Variants in NFILZ observed in about 807,000 individuals in gnomAD.
The protein encoded by NFILZ is NFIL3 like basic leucine zipper, also known as NFIL3 like protein.
Position 8,659,676 on chromosome 19 carries a change from T to C in NFILZ, c.-163-14875T>C, listed in dbSNP as rs892647408. ...GATAGTGTCTGTGAAGTGCTTAGCATAGGCAGTGTAAGGGACTCAGAAATG... is the reference window on the plus strand; with the variant it reads ...GATAGTGTCTGTGAAGTGCTTAGCACAGGCAGTGTAAGGGACTCAGAAATG... On this transcript the variant is annotated intron_variant, in intron 3 of 5. Transcript: ENST00000691075. Among the ~76,000 whole-genome samples, 4 of 152,152 alleles carry C rather than the reference T, an allele frequency of 2.6e-5. No individual in the cohort carries two copies. In the East Asian group the frequency reaches 7.7e-4, roughly 29 times the overall value.
At position 8,638,052 on chromosome 19, in the gene NFILZ, A is replaced by G. The variant is rs80046222; in HGVS notation, c.-164+2306A>G. On this transcript the variant is annotated intron_variant, in intron 3 of 5. Coordinates refer to ENST00000691075, the MANE Select transcript of NFILZ (RefSeq NM_001378600.1). ...AGGTTAGTGCCAGCATGACCTTGCC[A>G]GGCCACCTTAATAGAGCAAAGATCA... 5.7e-3 allele frequency among the ~76,000 whole-genome samples: 868 copies of G among 152,182 alleles called. 14 individuals carry two copies. Among genetic ancestry groups the G allele is most frequent in the African/African-American group, 0.02 (819 of 41,526 alleles).
At chr19:8,662,726 T>G (rs1238817235) in intron 3 of NFILZ, among the ~76,000 whole-genome samples, 1 of 150,318 alleles carries the variant, frequency 6.7e-6, no homozygotes, top group Non-Finnish European at 1.5e-5. Flanking sequence ...AACCTCCGCC[T>G]CCTGGGTTCA....
At chr19:8,647,595 G>C (rs2042944691) in intron 3 of NFILZ, among the ~76,000 whole-genome samples, 1 of 142,742 alleles carries the variant, frequency 7.0e-6, no homozygotes, top group African/African-American at 2.6e-5. Context: ...CCCAAAAAAA[G>C]GGAACGAGAT....
At chr19:8,646,978 G>C (rs782414863) in intron 3 of NFILZ, among the ~76,000 whole-genome samples, 31 of 152,202 alleles carry the variant, frequency 2.0e-4, no homozygotes, top group Non-Finnish European at 3.7e-4. Context: ...GTGTGACCTT[G>C]GGCGGATACC....
intron 3 of NFILZ, among the ~76,000 whole-genome samples, chr19:8,647,781 G>GCA (rs1267899270): frequency 8.4e-5 from 6 of 71,338 alleles, no homozygotes; most frequent in East Asian, 8.1e-4. Context: ...GCACACATGC[G>GCA]CGCGCGCGCG....
intron 3 of NFILZ, among the ~76,000 whole-genome samples, chr19:8,668,414 T>C (rs546225523): frequency 6.9e-4 from 104 of 151,116 alleles, no homozygotes; most frequent in African/African-American, 2.5e-3. Flanking sequence ...ACTGGTTCTT[T>C]TTATATCTAC....
chr19:8,638,345 AG>A (rs2042904343), intron 3 of NFILZ: 1 of 152,174 alleles, frequency 6.6e-6, no homozygotes, highest in African/African-American at 2.4e-5. Context: ...GGGCGTGCAA[AG>A]GGATGTGCCT....
chr19:8,651,681 G>A (rs2042965525), intron 3 of NFILZ, among the ~76,000 whole-genome samples: 1 of 152,024 alleles, frequency 6.6e-6, no homozygotes, highest in Admixed American at 6.6e-5. Context: ...ACAGGTATGT[G>A]CCACCATGCC....
chr19:8,654,834 C>T (rs1260594984), intron 3 of NFILZ, among the ~76,000 whole-genome samples: 1 of 152,182 alleles, frequency 6.6e-6, no homozygotes, highest in Non-Finnish European at 1.5e-5. Context: ...GTCTCCTTTT[C>T]CAATCTGCAG....
intron 3 of NFILZ, among the ~76,000 whole-genome samples, chr19:8,646,836 G>A (rs118159108): frequency 2.6e-4 from 39 of 152,160 alleles, no homozygotes; most frequent in East Asian, 2.5e-3. Flanking sequence ...GAGCAAATGC[G>A]TATCCTCAGA....
chr19:8,663,787 T>TGTGTGTGTGTGTATGTA (rs2043048906), intron 3 of NFILZ, among the ~76,000 whole-genome samples: 2 of 148,850 alleles, frequency 1.3e-5, no homozygotes, highest in African/African-American at 2.5e-5. Flanking sequence ...TGTGTGTTTG[T>TGTGTGTGTGTGTATGTA]TGTGGGGGGG....
At chr19:8,647,986 C>G (rs1450912316) in intron 3 of NFILZ, among the ~76,000 whole-genome samples, 2 of 151,526 alleles carry the variant, frequency 1.3e-5, no homozygotes, top group African/African-American at 2.4e-5. Flanking sequence ...TCCTGGCTAA[C>G]ACGGTGAAAC....
intron 3 of NFILZ, among the ~76,000 whole-genome samples, chr19:8,650,485 C>G (rs1029498450): frequency 1.3e-5 from 2 of 151,774 alleles, no homozygotes; most frequent in Admixed American, 6.6e-5. Flanking sequence ...CAAAACCCGT[C>G]TCTACTAAAA....
chr19:8,672,320 C>A (rs958180935), intron 3 of NFILZ, among the ~76,000 whole-genome samples: 1 of 151,184 alleles, frequency 6.6e-6, no homozygotes, highest in Admixed American at 6.6e-5. Flanking sequence ...AATCCATGCA[C>A]TTATTTGTTC....
chr19:8,631,831 T>A (rs2042871217), intron 1 of NFILZ, among the ~76,000 whole-genome samples: 1 of 5,370 alleles, frequency 1.9e-4, no homozygotes, highest in Non-Finnish European at 5.2e-4. Flanking sequence ...TCCTCGCTTT[T>A]GTGTGTGTGT....
At chr19:8,642,498 G>A (rs1027968391) in intron 3 of NFILZ, among the ~76,000 whole-genome samples, 2 of 152,052 alleles carry the variant, frequency 1.3e-5, no homozygotes, top group African/African-American at 2.4e-5. Context: ...TTAGCCAGGC[G>A]GTTCTTCTGT....
At chr19:8,654,294 A>G (rs2042982255) in intron 3 of NFILZ, among the ~76,000 whole-genome samples, 1 of 138,036 alleles carries the variant, frequency 7.2e-6, no homozygotes, top group South Asian at 2.3e-4. Flanking sequence ...AAAAACAAAA[A>G]CCACTTTTAC....
At chr19:8,644,847 A>G (rs1600141765) in intron 3 of NFILZ, among the ~76,000 whole-genome samples, 1 of 146,736 alleles carries the variant, frequency 6.8e-6, no homozygotes, top group African/African-American at 2.5e-5. Context: ...GCTTACCACA[A>G]CCTCCGCTTC....
In NFILZ at chr19:8,643,346, A is replaced by G. The variant is rs114530982; in HGVS notation, c.-164+7600A>G. On this transcript the variant is annotated intron_variant, in intron 3 of 5. Coordinates refer to ENST00000691075, the MANE Select transcript of NFILZ (RefSeq NM_001378600.1). ...ACCATAACTTCCAGGCTAGCCCACC[A>G]GTCTTATGATGGAAAATAACTTCCT... Among the ~76,000 whole-genome samples, 1,153 of 152,348 alleles carry G rather than the reference A, an allele frequency of 7.6e-3. 14 individuals carry two copies. The highest frequency in any genetic ancestry group is 0.027 in the African/African-American group (1,103 of 41,582).
Sources: allele counts gnomAD v4.1 joint callset (sites outside exome capture counted in the v4.1 genomes callset), GRCh38; gene constraint gnomAD v4.1.1; transcripts MANE v1.5; gene names NCBI Gene and HGNC (gene_info 2026-07-23, HGNC 2026-07-21).